The following NRAS variants were observed in gnomAD, a reference collection of about 807,000 sequenced individuals.
NRAS encodes the protein GTPase NRas.
Under a neutral mutation model 21.3 loss-of-function variants are expected in NRAS, and 6 were observed. That is an observed-to-expected ratio of 0.28 (90% CI 0.15 to 0.56). The LOEUF (loss-of-function observed/expected upper bound fraction) is 0.56. Among genes scored for constraint, NRAS ranks in the 20% least tolerant of loss-of-function variants. The pLI, the probability that NRAS is intolerant of heterozygous loss-of-function variation, is 0.93. For synonymous variants in NRAS, 84 were observed against 82.0 expected (o/e 1.02, Z -0.13); for missense variants, 143 against 231.3 (o/e 0.62, Z 2.48).
intron 3 of NRAS, among the ~76,000 whole-genome samples, chr1:114,711,509 G>T (rs1487612206): frequency 6.6e-6 from 1 of 151,380 alleles, no homozygotes; most frequent in Non-Finnish European, 1.5e-5. Flanking sequence ...GCTGAGGCAG[G>T]AGAATCTCTC....
Position 114,706,945 on chromosome 1 carries a change from T to C in NRAS, c.*1149A>G, listed in dbSNP as rs1440208418. ...AATTATATACATCATTAAGATACCA[T>C]GATATACAGTGAAAATGTAATTTGT... On this transcript the variant is annotated 3_prime_UTR_variant, in exon 7 of 7. Transcript: ENST00000369535. 3 of 152,606 alleles carry C rather than the reference T, an allele frequency of 2.0e-5. No individual in the cohort carries two copies. Among genetic ancestry groups the C allele is most frequent in the Admixed American group, 6.5e-5 (1 of 15,286 alleles). 9.5% of individuals were successfully genotyped at this position (152,606 alleles called of 1,614,324 possible). A position where few individuals can be genotyped will look rare whatever the true frequency, so the allele number is the denominator to read the frequency against.
chr1:114,716,507 C>T (rs9724616), intron 1 of NRAS, among the ~76,000 whole-genome samples, 151 bp downstream of exon 1: 3 of 152,214 alleles, frequency 2.0e-5, no homozygotes, highest in Admixed American at 2.0e-4. Context: ...CCTTCTGTCT[C>T]CAAAGATCTC....
At chr1:114,713,708 AG>A (rs1659091699) in intron 3 of NRAS, 91 bp downstream of exon 3, 3 of 1,069,744 alleles carry the variant, frequency 2.8e-6, no homozygotes, top group Non-Finnish European at 4.4e-6. Context: ...ATAATTAAAA[AG>A]CTCTATCTTC....
In NRAS at chr1:114,708,641, G is replaced by A. The variant is rs747080102; in HGVS notation, c.464C>T (p.Ala155Val). 1.2e-6 allele frequency: 2 copies of A among 1,613,346 alleles called. No homozygotes were observed. The highest frequency in any genetic ancestry group is 1.7e-6 in the Non-Finnish European group (2 of 1,179,538). ...SAKTRQGVED[A>V]FYTLVREIRQ... ...TATTTCTCTTACCAGTGTGTAAAAA[G>A]CATCTTCAACACCCTATAAAAGGAA... The change falls in exon 5 of 7, where the codon GCT (alanine) becomes GTT (valine). Residue 155 changes from alanine (A) to valine (V), a missense_variant. Physicochemically the swap from Ala to Val is moderately conservative, Grantham distance 64. Transcript: ENST00000369535.
At chr1:114,708,285 C>T (rs938442875) in intron 5 of NRAS, 93 bp from the exon 6 acceptor site, 1 of 530,838 alleles carries the variant, frequency 1.9e-6, no homozygotes, top group Non-Finnish European at 3.4e-6. Context: ...TAGGGTATGC[C>T]TACATTTCAT....
intron 4 of NRAS, 82 bp downstream of exon 4, chr1:114,709,487 G>A (rs1557981160): frequency 7.0e-6 from 8 of 1,138,052 alleles, no homozygotes; most frequent in Admixed American, 1.8e-5. Flanking sequence ...TAACAACAAA[G>A]AATATGAATA....
At chr1:114,708,992 G>T (rs571925911) in intron 4 of NRAS, among the ~76,000 whole-genome samples, 39 of 152,326 alleles carry the variant, frequency 2.6e-4, no homozygotes, top group Admixed American at 1.3e-3. Context: ...TGTTGACAGA[G>T]AAATAACTAA....
At chr1:114,710,147 C>T (rs1000480137) in intron 3 of NRAS, among the ~76,000 whole-genome samples, 9 of 150,184 alleles carry the variant, frequency 6.0e-5, no homozygotes, top group African/African-American at 2.0e-4. Flanking sequence ...GCCAAGATCA[C>T]GCCACTACAC....
At chr1:114,713,460 G>C (rs769110012) in intron 3 of NRAS, among the ~76,000 whole-genome samples, 1 of 152,058 alleles carries the variant, frequency 6.6e-6, no homozygotes, top group Non-Finnish European at 1.5e-5. Flanking sequence ...CACTGTGCCT[G>C]GCCTATCTTT....
At chr1:114,715,811 A>G (rs982720853) in intron 2 of NRAS, among the ~76,000 whole-genome samples, 1 of 152,202 alleles carries the variant, frequency 6.6e-6, no homozygotes, top group African/African-American at 2.4e-5. Context: ...GAATGAACTC[A>G]ACACTGAGTT....
intron 3 of NRAS, among the ~76,000 whole-genome samples, chr1:114,712,127 A>G (rs1204699478): frequency 3.3e-5 from 5 of 152,150 alleles, no homozygotes; most frequent in African/African-American, 9.7e-5. Context: ...TCAGGTTACT[A>G]CTGATTTTTA....
chr1:114,715,584 G>A (rs1002323307), intron 2 of NRAS, among the ~76,000 whole-genome samples: 1 of 152,072 alleles, frequency 6.6e-6, no homozygotes, highest in African/African-American at 2.4e-5. Flanking sequence ...CTGCAAACAG[G>A]GACCAAAATC....
intron 1 of NRAS, 33 bp from the exon 2 acceptor site, chr1:114,716,210 G>C (rs767355890): frequency 1.7e-6 from 2 of 1,188,552 alleles, no homozygotes; most frequent in South Asian, 2.4e-5. Flanking sequence ...GTTAATTGGC[G>C]AGCCACATCT....
rs1045332549 is a variant in NRAS, at chr1:114,705,990, A to C, written c.*2104T>G. ...ATTTTTAAGAAAAAGAATCACTGCCAGTCACAGACATTTAAAAAAGAAATG... is the reference window on the plus strand; with the variant it reads ...ATTTTTAAGAAAAAGAATCACTGCCCGTCACAGACATTTAAAAAAGAAATG... On this transcript the variant is annotated 3_prime_UTR_variant, in exon 7 of 7. Coordinates refer to ENST00000369535, the MANE Select transcript of NRAS (RefSeq NM_002524.5). 6.6e-6 allele frequency: 1 copy of C among 152,230 alleles called. No homozygotes were observed. Among genetic ancestry groups the C allele is most frequent in the African/African-American group, 2.4e-5 (1 of 41,466 alleles). 9.4% of individuals were successfully genotyped at this position (152,230 alleles called of 1,614,324 possible).
intron 3 of NRAS, 96 bp from the exon 4 acceptor site, chr1:114,709,824 G>A (rs1032227538): frequency 1.0e-5 from 10 of 999,094 alleles, no homozygotes; most frequent in South Asian, 9.1e-5. Context: ...GGGAGGCTGA[G>A]GAGGGCAGAC....
At chr1:114,711,698 G>A (rs907348661) in intron 3 of NRAS, among the ~76,000 whole-genome samples, 3 of 151,800 alleles carry the variant, frequency 2.0e-5, no homozygotes, top group Non-Finnish European at 4.4e-5. Context: ...CATAAGAACT[G>A]CTCTTAGTAA....
At position 114,716,127 on chromosome 1, in the gene NRAS, C is replaced by T. The variant is rs121913250; in HGVS notation, c.34G>A (p.Gly12Ser). The stretch of plus-strand genomic sequence containing the variant: ...GTCAGTGCGCTTTTCCCAACACCAC[C>T]TGCTCCAACCACCACCAGTTTGTAC... Reference protein sequence around the residue: ...TEYKLVVVGAGGVGKSALTIQ... With the variant: ...TEYKLVVVGASGVGKSALTIQ... Residue 12 changes from glycine (G) to serine (S), a missense_variant, in exon 2 of 7, where the codon GGT becomes AGT. Gly to Ser is a moderately conservative substitution (Grantham distance 56). Coordinates refer to ENST00000369535, the MANE Select transcript of NRAS (RefSeq NM_002524.5). 4 of 1,613,986 alleles carry T rather than the reference C, an allele frequency of 2.5e-6. No homozygotes were observed. Among genetic ancestry groups the T allele is most frequent in the Non-Finnish European group, 2.5e-6 (3 of 1,179,852 alleles).
intron 5 of NRAS, 91 bp downstream of exon 5, chr1:114,708,440 A>G: frequency 7.9e-7 from 1 of 1,266,586 alleles, no homozygotes; most frequent in Non-Finnish European, 1.2e-6. Flanking sequence ...AGAAACTCAA[A>G]AAACATATAG....
chr1:114,711,295 C>T (rs2101740269), intron 3 of NRAS, among the ~76,000 whole-genome samples: 1 of 152,028 alleles, frequency 6.6e-6, no homozygotes, highest in East Asian at 1.9e-4. Context: ...AGGGAGACTC[C>T]ATCTCTAAAA....
Sources: allele counts gnomAD v4.1 joint callset (sites outside exome capture counted in the v4.1 genomes callset), GRCh38; gene constraint gnomAD v4.1.1; transcripts MANE v1.5; gene names NCBI Gene and HGNC (gene_info 2026-07-23, HGNC 2026-07-21).